MAN1C1: variants seen among roughly 807,000 people sequenced by gnomAD.
MAN1C1 encodes the protein mannosidase alpha class 1C member 1, also known as mannosyl-oligosaccharide 1,2-alpha-mannosidase IC.
MAN1C1 carries 49 observed loss-of-function variants against 71.5 expected under a neutral mutation model. The ratio of observed to expected loss-of-function variants is 0.69; its 90% CI spans 0.54 to 0.87. MAN1C1 has a LOEUF of 0.87. MAN1C1 is among the 40% of genes least tolerant of loss of function. The pLI, the probability that MAN1C1 is intolerant of heterozygous loss-of-function variation, is 0.00. For synonymous variants in MAN1C1, 352 were observed against 343.7 expected (o/e 1.02, Z -0.27); for missense variants, 743 against 835.0 (o/e 0.89, Z 1.36).
Position 25,769,570 on chromosome 1 carries a change from G to A in MAN1C1, c.1142-2087G>A, listed in dbSNP as rs973485565. ...TGTCACGCACACACTCCACCACCGC[G>A]TGATTGTGGCTAAACTCCTTGGCTT... On this transcript the variant is annotated intron_variant, in intron 7 of 11. Coordinates refer to ENST00000374332, the MANE Select transcript of MAN1C1 (RefSeq NM_020379.4). The surrounding 1 kb of genome is among the most constrained non-coding windows in gnomAD (Gnocchi z 4.8). Among the ~76,000 whole-genome samples, 5 of 152,142 alleles carry A rather than the reference G, an allele frequency of 3.3e-5. No homozygotes were observed. The highest frequency in any genetic ancestry group is 2.1e-4 in the South Asian group (1 of 4,838).
intron 2 of MAN1C1, 138 bp downstream of exon 2, chr1:25,686,674 T>A: frequency 1.5e-6 from 1 of 688,722 alleles, no homozygotes; most frequent in Non-Finnish European, 2.5e-6. Flanking sequence ...CTTCCAAGTC[T>A]GTGTTTCCTC....
At chr1:25,693,947 C>T (rs1316629656) in intron 2 of MAN1C1, among the ~76,000 whole-genome samples, 2 of 152,144 alleles carry the variant, frequency 1.3e-5, no homozygotes, top group East Asian at 1.9e-4. Flanking sequence ...ATAGTACCTG[C>T]CCATATACAT....
In MAN1C1 at chr1:25,636,338, C is replaced by T. The variant is rs186250664; in HGVS notation, c.540+18001C>T. Among the ~76,000 whole-genome samples the T allele has an allele frequency of 1.6e-4, 24 of 152,272 alleles. 1 individual carries two copies. The highest frequency in any genetic ancestry group is 1.0e-3 in the South Asian group (5 of 4,828). On this transcript the variant is annotated intron_variant, in intron 1 of 11. Coordinates refer to ENST00000374332, the MANE Select transcript of MAN1C1 (RefSeq NM_020379.4). ...GCAGGAGACCAGGCCGTGTTTCAGT[C>T]CTTATCTCAGCCACATAAGATAGAC...
At position 25,643,069 on chromosome 1, in the gene MAN1C1, G is replaced by T. The variant is rs1434704057; in HGVS notation, c.540+24732G>T. On this transcript the variant is annotated intron_variant, in intron 1 of 11. Transcript: ENST00000374332. Reference sequence around the variant, plus strand: ...CAGAGTCTAAGATGTTTAATTAGACGCTGAGACATTTCTGCATGGGTCCAT... The same window carrying T: ...CAGAGTCTAAGATGTTTAATTAGACTCTGAGACATTTCTGCATGGGTCCAT... 3.3e-5 allele frequency among the ~76,000 whole-genome samples: 5 copies of T among 152,144 alleles called. No individual in the cohort carries two copies. The East Asian group carries it at 7.7e-4, about 23-fold the overall frequency.
At chr1:25,641,339 G>A (rs1433093218) in intron 1 of MAN1C1, among the ~76,000 whole-genome samples, 3 of 152,180 alleles carry the variant, frequency 2.0e-5, no homozygotes, top group African/African-American at 4.8e-5. Context: ...AGTTTAAATT[G>A]TGATGCCTAG....
In MAN1C1 at chr1:25,686,594, G is replaced by A. The variant is rs1229355380; in HGVS notation, c.637+58G>A. The A allele has an allele frequency of 1.1e-5, 17 of 1,489,386 alleles. No homozygotes were observed. In the Admixed American group the frequency reaches 1.7e-4, roughly 15 times the overall value. 92.3% of individuals were successfully genotyped at this position (1,489,386 alleles called of 1,614,324 possible). A position where few individuals can be genotyped will look rare whatever the true frequency, so the allele number is the denominator to read the frequency against. On this transcript the variant is annotated intron_variant, in intron 2 of 11. Transcript: ENST00000374332. ...GGGACCCACCGCCCCGCCAGTGGCC[G>A]AGTGGAATTTTACTTTTGGCTTTTC... is the stretch of plus-strand genomic sequence containing the variant.
rs189535003 is a variant in MAN1C1 at position 25,716,470 on chromosome 1, C to T, written c.637+29934C>T. Among the ~76,000 whole-genome samples, 18 of 152,316 alleles carry T rather than the reference C, an allele frequency of 1.2e-4. 1 individual carries two copies. The highest frequency in any genetic ancestry group is 1.2e-3 in the Admixed American group (18 of 15,294). On this transcript the variant is annotated intron_variant, in intron 2 of 11. Coordinates refer to ENST00000374332, the MANE Select transcript of MAN1C1 (RefSeq NM_020379.4). ...ACCTCAGCCTTCTGAGCAGCTGGGA[C>T]CACAGGCACAACCTGGCTAATTGTT...
intron 2 of MAN1C1, among the ~76,000 whole-genome samples, chr1:25,686,774 T>C (rs552996188): frequency 2.0e-4 from 31 of 152,214 alleles, no homozygotes; most frequent in Admixed American, 4.6e-4. Context: ...TATGAAATTA[T>C]CGTTTATTTT....
In MAN1C1 at chr1:25,660,397, T is replaced by C. The variant is rs112525277; in HGVS notation, c.541-26043T>C. Among the ~76,000 whole-genome samples, 14 of 71,640 alleles carry C rather than the reference T, an allele frequency of 2.0e-4. No homozygotes were observed. In the African/African-American group the frequency reaches 2.4e-3, roughly 12 times the overall value. The allele number at this position is 71,640 out of a possible 152,430, so 47.0% of individuals were successfully genotyped here. On this transcript the variant is annotated intron_variant, in intron 1 of 11. Coordinates refer to ENST00000374332, the MANE Select transcript of MAN1C1 (RefSeq NM_020379.4). The stretch of plus-strand genomic sequence containing the variant: ...GCTTGGGCAACAAGAGTGAAATTCC[T>C]TTTTTTTTTTTTTTTTTTTTTTTTT...
At chr1:25,704,804 C>T (rs1274421755) in intron 2 of MAN1C1, among the ~76,000 whole-genome samples, 1 of 152,234 alleles carries the variant, frequency 6.6e-6, no homozygotes, top group Non-Finnish European at 1.5e-5. Flanking sequence ...TCTGATTTAG[C>T]ATTATCTGAG....
At position 25,778,384 on chromosome 1, in the gene MAN1C1, G is replaced by A; in HGVS notation, c.1477+60G>A. 6.6e-7 allele frequency: 1 copy of A among 1,508,862 alleles called. No homozygotes were observed. Among genetic ancestry groups the A allele is most frequent in the Admixed American group, 2.0e-5 (1 of 48,890 alleles). 93.5% of individuals were successfully genotyped at this position (1,508,862 alleles called of 1,614,324 possible). ...CTGAGGCTAGACACCAGGAAGAACT[G>A]GAAAGACCGGCAGCAGTGAGCGAAG... On this transcript the variant is annotated intron_variant, in intron 9 of 11. Coordinates refer to ENST00000374332, the MANE Select transcript of MAN1C1 (RefSeq NM_020379.4). This position sits in a 1 kb window ranked among gnomAD's most constrained non-coding sequence, Gnocchi z 5.5.
At chr1:25,691,630 G>A (rs1160876838) in intron 2 of MAN1C1, among the ~76,000 whole-genome samples, 4 of 152,178 alleles carry the variant, frequency 2.6e-5, no homozygotes, top group Non-Finnish European at 4.4e-5. Context: ...TGGGGTGGGC[G>A]TCCAAGTCCC....
chr1:25,664,006 GTTC>G (rs888715258), intron 1 of MAN1C1, among the ~76,000 whole-genome samples: 1 of 152,316 alleles, frequency 6.6e-6, no homozygotes. Context: ...GGCTGGTAGG[GTTC>G]TTCTTGTGGT....
At chr1:25,744,755 G>GAAT (rs1469468009) in intron 2 of MAN1C1, among the ~76,000 whole-genome samples, 13 of 152,214 alleles carry the variant, frequency 8.5e-5, no homozygotes, top group Non-Finnish European at 1.9e-4. Flanking sequence ...ACACAAGTGA[G>GAAT]CAGTTAGGAA....
At chr1:25,728,613 G>A (rs181054122) in intron 2 of MAN1C1, among the ~76,000 whole-genome samples, 8 of 152,212 alleles carry the variant, frequency 5.3e-5, no homozygotes, top group East Asian at 3.9e-4. Context: ...TGATGGAGGC[G>A]CCATCATCTT....
intron 5 of MAN1C1, among the ~76,000 whole-genome samples, chr1:25,757,764 C>A (rs2047308539): frequency 6.6e-6 from 1 of 152,248 alleles, no homozygotes; most frequent in African/African-American, 2.4e-5. Context: ...AGGCAGTGTC[C>A]TTGTTCCCTA....
intron 1 of MAN1C1, among the ~76,000 whole-genome samples, chr1:25,670,523 A>G (rs1021694028): frequency 6.6e-6 from 1 of 152,110 alleles, no homozygotes; most frequent in Non-Finnish European, 1.5e-5. Context: ...GACATTTCTC[A>G]TTTTCAAAGA....
chr1:25,641,104 T>A (rs2045531082), intron 1 of MAN1C1, among the ~76,000 whole-genome samples: 1 of 152,172 alleles, frequency 6.6e-6, no homozygotes, highest in Non-Finnish European at 1.5e-5. Flanking sequence ...CCTCAGGGAG[T>A]CTGCTTTGAA....
chr1:25,653,149 C>T (rs2045717400), intron 1 of MAN1C1, among the ~76,000 whole-genome samples: 1 of 151,772 alleles, frequency 6.6e-6, no homozygotes, highest in Non-Finnish European at 1.5e-5. Context: ...ACAATCTAAG[C>T]TCGCTGCGGT....
Sources: allele counts gnomAD v4.1 joint callset (sites outside exome capture counted in the v4.1 genomes callset), GRCh38; gene constraint gnomAD v4.1.1; non-coding constraint Gnocchi (gnomAD v3.1); transcripts MANE v1.5; gene names NCBI Gene and HGNC (gene_info 2026-07-23, HGNC 2026-07-21).